The following SLC43A1 variants were observed in gnomAD, a reference collection of about 807,000 sequenced individuals.
The protein encoded by SLC43A1 is large neutral amino acids transporter small subunit 3.
In SLC43A1, 31 loss-of-function variants were observed where a neutral mutation model predicts 59.5. The ratio of observed to expected loss-of-function variants is 0.52; its 90% confidence interval spans 0.39 to 0.70. SLC43A1 has a LOEUF of 0.70. Ranked by LOEUF, SLC43A1 falls within the 30% of genes least tolerant of loss-of-function variation. SLC43A1 has a pLI of 0.00. For missense variants in SLC43A1, 598 were observed against 717.8 expected, an observed-to-expected ratio of 0.83 and a Z score of 1.91; for synonymous variants, 259 against 290.9, an observed-to-expected ratio of 0.89 and a Z score of 1.12.
In SLC43A1 at chr11:57,491,839, G is replaced by A. The variant is rs1943914043; in HGVS notation, c.895C>T (p.Leu299Phe). 3.7e-6 allele frequency: 6 copies of A among 1,614,072 alleles called. No homozygotes were observed. In the African/African-American group the frequency reaches 5.3e-5, roughly 14 times the overall value. ...CTCCACAGGAAAGTGGGGGAGCAGA[G>A]GCTCTTGCGTAAGGGGACAGACCCT... ...PERSVPLRKS[L>F]CSPTFLWSLL... Residue 299 changes from leucine (L) to phenylalanine (F), a missense_variant, in exon 9 of 15, where the codon CTC (leucine) becomes TTC (phenylalanine). Coordinates refer to ENST00000278426, the MANE Select transcript of SLC43A1 (RefSeq NM_003627.6).
chr11:57,491,333 T>G lies in SLC43A1; in HGVS notation c.1084A>C (p.Met362Leu), dbSNP rs931138043. The G allele has an allele frequency of 6.2e-7, 1 of 1,606,846 alleles. No homozygotes were observed. Among genetic ancestry groups the G allele is most frequent in the Non-Finnish European group, 8.5e-7 (1 of 1,176,408 alleles). The change falls in exon 11 of 15, where the codon ATG becomes CTG. Residue 362 changes from methionine (M) to leucine (L), a missense_variant. Coordinates refer to ENST00000278426, the MANE Select transcript of SLC43A1 (RefSeq NM_003627.6). ...VGFYSSVFGA[M>L]QLLCLLTCPL... ...CAGGTGAGAAGGCACAACAGCTGCA[T>G]GGCCCCGAAGACGGAGGAGTAGAAC...
chr11:57,491,684 C>T (rs1304091281), intron 9 of SLC43A1, 32 bp downstream of exon 9: 1 of 1,614,224 alleles, frequency 6.2e-7, no homozygotes, highest in Non-Finnish European at 8.5e-7. Context: ...CGCCTGTGCC[C>T]CCAACCCCCA....
At chr11:57,490,152 A>G (rs895922805) in intron 11 of SLC43A1, among the ~76,000 whole-genome samples, 2 of 152,136 alleles carry the variant, frequency 1.3e-5, no homozygotes, top group Non-Finnish European at 2.9e-5. Context: ...AAAGAGCAAA[A>G]GCAGTCACAG....
At chr11:57,511,299 G>A (rs963731107) in intron 2 of SLC43A1, among the ~76,000 whole-genome samples, 3 of 151,616 alleles carry the variant, frequency 2.0e-5, no homozygotes, top group African/African-American at 4.8e-5. Flanking sequence ...GTGTTGATGC[G>A]GGCCTGTAGT....
intron 2 of SLC43A1, among the ~76,000 whole-genome samples, chr11:57,505,528 AC>A (rs201556566): frequency 7.3e-5 from 11 of 151,640 alleles, no homozygotes; most frequent in African/African-American, 2.7e-4. Context: ...ACTAACAACA[AC>A]AAAAAAAATA....
intron 7 of SLC43A1, among the ~76,000 whole-genome samples, chr11:57,495,257 G>C (rs1944045431): frequency 6.6e-6 from 1 of 152,006 alleles, no homozygotes; most frequent in Non-Finnish European, 1.5e-5. Flanking sequence ...GGGAGGCTGA[G>C]CCAGGCGGAT....
At position 57,503,297 on chromosome 11, in the gene SLC43A1, G is replaced by GTTT. The variant is rs11402480; in HGVS notation, c.155-1971_155-1969dup. Among the ~76,000 whole-genome samples, 79 of 115,840 alleles carry GTTT rather than the reference G, an allele frequency of 6.8e-4. 1 individual carries two copies. The highest frequency in any genetic ancestry group is 8.8e-4 in the South Asian group (3 of 3,424). The allele number at this position is 115,840 out of a possible 152,430, so 76.0% of individuals were successfully genotyped here. A position where few individuals can be genotyped will look rare whatever the true frequency, so the allele number is the denominator to read the frequency against. The stretch of plus-strand genomic sequence containing the variant: ...TATGATCACTGTCATTTCTCTACAG[G>GTTT]TTTTTTTTTTTTTTTTTTTTGAGAC... On this transcript the variant is annotated intron_variant, in intron 2 of 14. Coordinates refer to ENST00000278426, the MANE Select transcript of SLC43A1 (RefSeq NM_003627.6).
intron 2 of SLC43A1, among the ~76,000 whole-genome samples, chr11:57,508,303 A>C (rs1296820084): frequency 6.6e-6 from 1 of 152,008 alleles, no homozygotes; most frequent in Non-Finnish European, 1.5e-5. Context: ...AGAAAGATAG[A>C]AAGAAAATTA....
intron 2 of SLC43A1, among the ~76,000 whole-genome samples, chr11:57,510,762 G>A (rs1008764889): frequency 1.3e-5 from 2 of 152,072 alleles, no homozygotes; most frequent in Admixed American, 1.3e-4. Flanking sequence ...GGAGGCCGAG[G>A]GGGGTGGATC....
At chr11:57,488,800 A>T (rs1197764160) in intron 13 of SLC43A1, 116 bp downstream of exon 13, 2 of 845,496 alleles carry the variant, frequency 2.4e-6, no homozygotes, top group East Asian at 4.8e-5. Flanking sequence ...CCCTGCCATC[A>T]GAGGGTCTCA....
rs193100310 is a variant in SLC43A1 at position 57,510,199 on chromosome 11, G to T, written c.154+3759C>A. Among the ~76,000 whole-genome samples the T allele has an allele frequency of 5.9e-5, 9 of 152,174 alleles. No homozygotes were observed. The East Asian group carries it at 1.7e-3, about 29-fold the overall frequency. The stretch of plus-strand genomic sequence containing the variant: ...AGGCCGGGCGCGGTGGCTCATGCCT[G>T]TAATCCCAGCACTTTGGGAGGCCGA... On this transcript the variant is annotated intron_variant, in intron 2 of 14. Transcript: ENST00000278426.
chr11:57,496,914 G>A (rs968911607), intron 6 of SLC43A1, among the ~76,000 whole-genome samples: 1 of 152,118 alleles, frequency 6.6e-6, no homozygotes, highest in Non-Finnish European at 1.5e-5. Context: ...CTTGGACCTT[G>A]GTGCCTTTTC....
rs1245489520 is a variant in SLC43A1 at position 57,485,297 on chromosome 11, C to CT, written c.1534-56dup. On this transcript the variant is annotated intron_variant, in intron 14 of 14. Transcript: ENST00000278426. ...AAGTAGGTAGTCATCTGCCCTTAGCCTCCCACAGGGAGGAGAAGGCGGCCA... is the reference window on the plus strand; with the variant it reads ...AAGTAGGTAGTCATCTGCCCTTAGCCTTCCCACAGGGAGGAGAAGGCGGCCA... 8 of 1,542,806 alleles carry CT rather than the reference C, an allele frequency of 5.2e-6. No homozygotes were observed. In the African/African-American group the frequency reaches 1.1e-4, roughly 21 times the overall value.
Position 57,494,159 on chromosome 11 carries a change from C to T in SLC43A1, c.705G>A (p.Lys235=). ...PEEVNYTKKI[K]LSGLALDHKV... ...TGTGGTCCAGGGCCAGCCCACTCAG[C>T]TTGATCTTCTTCCTGCAGGCAGCCA... Residue 235 remains lysine (K), a synonymous_variant, in exon 8 of 15, where the codon AAG becomes AAA. Coordinates refer to ENST00000278426, the MANE Select transcript of SLC43A1 (RefSeq NM_003627.6). The T allele has an allele frequency of 6.2e-7, 1 of 1,609,644 alleles. No homozygotes were observed. The highest frequency in any genetic ancestry group is 1.3e-5 in the African/African-American group (1 of 74,822).
At chr11:57,492,558 AT>A (rs1462549735) in intron 8 of SLC43A1, among the ~76,000 whole-genome samples, 66 of 72,328 alleles carry the variant, frequency 9.1e-4, no homozygotes, top group Middle Eastern at 5.6e-3. Context: ...ATATATATAT[AT>A]ATATATATAT....
chr11:57,496,261 T>C, intron 6 of SLC43A1, 97 bp from the exon 7 acceptor site: 4 of 1,393,672 alleles, frequency 2.9e-6, no homozygotes, highest in Non-Finnish European at 3.9e-6. Context: ...GAAGTTCTCT[T>C]CTCCCCTTGT....
chr11:57,496,959 C>T (rs1944107710), intron 6 of SLC43A1, among the ~76,000 whole-genome samples: 1 of 152,172 alleles, frequency 6.6e-6, no homozygotes, highest in Admixed American at 6.5e-5. Context: ...CAAAGGGCCA[C>T]ACCCCCAAAT....
chr11:57,494,783 T>C (rs1031541733), intron 7 of SLC43A1, among the ~76,000 whole-genome samples: 16 of 152,160 alleles, frequency 1.1e-4, no homozygotes, highest in African/African-American at 3.9e-4. Flanking sequence ...CGAGTGCCAT[T>C]GCTGAGGTGC....
intron 2 of SLC43A1, among the ~76,000 whole-genome samples, chr11:57,508,601 C>G (rs1258955371): frequency 6.6e-6 from 1 of 152,126 alleles, no homozygotes; most frequent in Non-Finnish European, 1.5e-5. Context: ...ATGTTGTACC[C>G]TGCTTTGCAA....
Sources: allele counts gnomAD v4.1 joint callset (sites outside exome capture counted in the v4.1 genomes callset), GRCh38; gene constraint gnomAD v4.1.1; transcripts MANE v1.5; gene names NCBI Gene and HGNC (gene_info 2026-07-23, HGNC 2026-07-21).